The following PHTF1 variants were observed in gnomAD, a reference collection of about 807,000 sequenced individuals.
The protein encoded by PHTF1 is putative homeodomain transcription factor 1.
In PHTF1, 88 loss-of-function variants were observed where a neutral mutation model predicts 102.4. The observed-to-expected ratio is 0.86, with a 90% CI of 0.72 to 1.03. The LOEUF (loss-of-function observed/expected upper bound fraction) is 1.03. Among genes scored for constraint, PHTF1 ranks in the 50% least tolerant of loss-of-function variants. PHTF1 has a pLI of 0.00. For synonymous variants in PHTF1, 289 were observed against 305.2 expected (o/e 0.95, Z 0.55); for missense variants, 814 against 909.5 (o/e 0.89, Z 1.35).
intron 11 of PHTF1, among the ~76,000 whole-genome samples, chr1:113,709,920 T>A (rs1571106906): frequency 1.3e-5 from 2 of 152,236 alleles, no homozygotes; most frequent in Non-Finnish European, 2.9e-5. Flanking sequence ...TATGTAACAC[T>A]GTGATGTTCA....
At chr1:113,756,854 T>C (rs767971865) in intron 3 of PHTF1, among the ~76,000 whole-genome samples, 11 of 152,156 alleles carry the variant, frequency 7.2e-5, no homozygotes, top group Non-Finnish European at 1.3e-4. Context: ...GAAAAAAGTT[T>C]AAGAACCTGA....
chr1:113,755,068 T>C (rs2101728887), intron 3 of PHTF1, among the ~76,000 whole-genome samples: 1 of 152,184 alleles, frequency 6.6e-6, no homozygotes, highest in African/African-American at 2.4e-5. Flanking sequence ...TTAAAATTTA[T>C]CTTTCATAAT....
At chr1:113,706,990 C>T (rs560836522) in intron 11 of PHTF1, among the ~76,000 whole-genome samples, 1 of 151,538 alleles carries the variant, frequency 6.6e-6, no homozygotes, top group Admixed American at 6.6e-5. Flanking sequence ...TAGGCACATA[C>T]CACCATGGCT....
intron 16 of PHTF1, 106 bp downstream of exon 16, chr1:113,700,688 A>G (rs1649339139): frequency 9.7e-7 from 1 of 1,027,362 alleles, no homozygotes; most frequent in Non-Finnish European, 1.4e-6. Flanking sequence ...CTGTAGCTAG[A>G]AAGTGACAGC....
intron 5 of PHTF1, among the ~76,000 whole-genome samples, chr1:113,734,479 C>G (rs1037244552): frequency 1.3e-5 from 2 of 152,140 alleles, no homozygotes; most frequent in Non-Finnish European, 2.9e-5. Flanking sequence ...TGGTAAAGAA[C>G]TTGTTGAACT....
intron 1 of PHTF1, 34 bp from the exon 2 acceptor site, chr1:113,758,767 G>A: frequency 6.3e-7 from 1 of 1,582,562 alleles, no homozygotes; most frequent in Admixed American, 1.8e-5. Flanking sequence ...GGTGAGTCCA[G>A]CTGCTGAAGG....
intron 17 of PHTF1, 138 bp downstream of exon 17, chr1:113,699,566 C>T (rs1649213079): frequency 3.0e-6 from 2 of 670,238 alleles, no homozygotes; most frequent in Non-Finnish European, 5.4e-6. Flanking sequence ...GTGACCCCTA[C>T]CCCTGATGCC....
rs1481846066 is a variant in PHTF1 at position 113,737,612 on chromosome 1, G to A, written c.331+498C>T. Among the ~76,000 whole-genome samples the A allele has an allele frequency of 2.6e-5, 4 of 152,170 alleles. No individual in the cohort carries two copies. The South Asian group carries it at 6.2e-4, about 24-fold the overall frequency. On this transcript the variant is annotated intron_variant, in intron 5 of 18. Transcript: ENST00000369604. Reference sequence around the variant, plus strand: ...TAAGAATTCAAGACCAGCCTGGGCAGCATGACAACATCTTGTCTCTACAAA... The same window carrying A: ...TAAGAATTCAAGACCAGCCTGGGCAACATGACAACATCTTGTCTCTACAAA...
chr1:113,703,547 G>A (rs538247258), intron 15 of PHTF1, among the ~76,000 whole-genome samples: 38 of 151,906 alleles, frequency 2.5e-4, no homozygotes, highest in African/African-American at 8.9e-4. Flanking sequence ...TTTTCATGGA[G>A]ATGGGTCCTC....
chr1:113,699,314 G>T (rs951980913), intron 17 of PHTF1: 14 of 308,358 alleles, frequency 4.5e-5, no homozygotes, highest in Non-Finnish European at 6.3e-6. Flanking sequence ...ATAGCCCCAT[G>T]GATGGTGCTG....
intron 8 of PHTF1, 79 bp from the exon 9 acceptor site, chr1:113,712,192 A>C: frequency 8.7e-7 from 1 of 1,154,778 alleles, no homozygotes; most frequent in Admixed American, 2.4e-5. Context: ...AACAAAAAAA[A>C]ATCATACAAA....
chr1:113,702,571 GC>G (rs1649569526), intron 15 of PHTF1, among the ~76,000 whole-genome samples: 1 of 151,968 alleles, frequency 6.6e-6, no homozygotes, highest in Non-Finnish European at 1.5e-5. Context: ...GGGGAACAAA[GC>G]CAGACTCCAC....
intron 5 of PHTF1, among the ~76,000 whole-genome samples, chr1:113,727,323 G>A (rs1653995404): frequency 6.6e-6 from 1 of 152,044 alleles, no homozygotes. Context: ...ATATAAATTT[G>A]CCACTAAAAA....
In PHTF1 at chr1:113,705,974, C is replaced by T; in HGVS notation, c.1587G>A (p.Leu529=). The T allele has an allele frequency of 1.2e-6, 2 of 1,613,798 alleles. No individual in the cohort carries two copies. Among genetic ancestry groups the T allele is most frequent in the Non-Finnish European group, 8.5e-7 (1 of 1,179,764 alleles). Residue 529 remains leucine, a synonymous_variant, in exon 13 of 19, where the codon TTG becomes TTA. Coordinates refer to ENST00000369604, the MANE Select transcript of PHTF1 (RefSeq NM_001323043.2). ...ATCTTTCAAAAAAATTAATTATCGA[C>T]AAAACAATAATAGGTGTAACAGGTG... is the stretch of plus-strand genomic sequence containing the variant. ...GAPPVTPIIV[L]SIINFFERLC...
intron 17 of PHTF1, 103 bp downstream of exon 17, chr1:113,699,601 A>AC (rs1400511983): frequency 5.8e-6 from 4 of 693,120 alleles, no homozygotes; most frequent in Non-Finnish European, 1.0e-5. Flanking sequence ...CACTTCCAGG[A>AC]CCCCTCCCAA....
chr1:113,704,584 AC>A, intron 14 of PHTF1, 81 bp downstream of exon 14: 1 of 994,458 alleles, frequency 1.0e-6, no homozygotes, highest in Non-Finnish European at 1.5e-6. Flanking sequence ...CCAGAACTAC[AC>A]TGTCTACTGA....
chr1:113,728,177 G>A (rs1450079817), intron 5 of PHTF1, among the ~76,000 whole-genome samples: 1 of 152,200 alleles, frequency 6.6e-6, no homozygotes, highest in East Asian at 1.9e-4. Context: ...CTCACAGAAT[G>A]AGAGAAAGTC....
At chr1:113,736,034 T>C (rs995736662) in intron 5 of PHTF1, among the ~76,000 whole-genome samples, 14 of 152,080 alleles carry the variant, frequency 9.2e-5, no homozygotes, top group Non-Finnish European at 1.9e-4. Flanking sequence ...TAGAGGGTAT[T>C]AGGACTACTT....
Position 113,729,106 on chromosome 1 carries a change from C to A in PHTF1, c.332-2532G>T, listed in dbSNP as rs143555807. 8.7e-3 allele frequency among the ~76,000 whole-genome samples: 1,331 copies of A among 152,294 alleles called. 48 individuals are homozygous for A. Among genetic ancestry groups the A allele is most frequent in the Admixed American group, 0.073 (1,121 of 15,280 alleles). On this transcript the variant is annotated intron_variant, in intron 5 of 18. Transcript: ENST00000369604. ...TCCAGCCATAAAAAAGAATAAGATT[C>A]TGTCATTTGCAACAACATGGATGGA... is the stretch of plus-strand genomic sequence containing the variant.
Sources: gnomAD v4.1 joint callset for allele counts (sites outside exome capture counted in the v4.1 genomes callset) on GRCh38, gnomAD v4.1.1 for gene constraint, MANE v1.5 for transcripts, NCBI Gene and HGNC (gene_info 2026-07-23, HGNC 2026-07-21) for gene names.